Variants in UBL7 observed in about 807,000 individuals in gnomAD.
UBL7 encodes the protein ubiquitin-like protein 7.
UBL7 carries 21 observed loss-of-function variants against 41.7 expected under a neutral mutation model. That is an observed-to-expected ratio of 0.50 (90% CI 0.36 to 0.73). The LOEUF is 0.73. UBL7 is among the 30% of genes least tolerant of loss of function. The pLI, the probability that UBL7 is intolerant of heterozygous loss-of-function variation, is 0.00. For missense variants in UBL7, 403 were observed against 478.4 expected, an observed-to-expected ratio of 0.84 and a Z score of 1.47; for synonymous variants, 157 against 186.9, an observed-to-expected ratio of 0.84 and a Z score of 1.31.
intron 2 of UBL7, 58 bp downstream of exon 2, chr15:74,458,626 G>T: frequency 6.8e-7 from 1 of 1,465,832 alleles, no homozygotes; most frequent in Non-Finnish European, 9.4e-7. Context: ...AATTCCAGAA[G>T]TATCCTCCCC....
intron 10 of UBL7, among the ~76,000 whole-genome samples, chr15:74,447,230 C>T (rs1011264725): frequency 1.3e-5 from 2 of 152,222 alleles, no homozygotes; most frequent in African/African-American, 4.8e-5. Context: ...CCTATCGTTA[C>T]GACTTCATGG....
At position 74,449,616 on chromosome 15, in the gene UBL7, G is replaced by A. The variant is rs757482809; in HGVS notation, c.714+10C>T. ...TGTCAGCATGTCAGGCAGGCAGGCAGGCCACTTACTGGGTGAAAGTCATCC... is the reference window on the plus strand; with the variant it reads ...TGTCAGCATGTCAGGCAGGCAGGCAAGCCACTTACTGGGTGAAAGTCATCC... On this transcript the variant is annotated intron_variant, in intron 8 of 10. Transcript: ENST00000395081. 37 of 1,613,978 alleles carry A rather than the reference G, an allele frequency of 2.3e-5. No homozygotes were observed. Among genetic ancestry groups the A allele is most frequent in the Non-Finnish European group, 3.1e-5 (37 of 1,180,018 alleles).
chr15:74,452,277 G>T lies in UBL7; in HGVS notation c.387+19C>A. The stretch of plus-strand genomic sequence containing the variant: ...ACCCTCTCCTACAGTCCTGGCTGGG[G>T]GCCGCAGCACACACTCACCGCCTCC... On this transcript the variant is annotated intron_variant, in intron 4 of 10. Coordinates refer to ENST00000395081, the MANE Select transcript of UBL7 (RefSeq NM_032907.5). The T allele has an allele frequency of 6.4e-7, 1 of 1,550,706 alleles. No homozygotes were observed. The highest frequency in any genetic ancestry group is 8.7e-7 in the Non-Finnish European group (1 of 1,145,926).
chr15:74,449,204 T>C lies in UBL7; in HGVS notation c.864A>G (p.Thr288=). 6.4e-7 allele frequency: 1 copy of C among 1,565,702 alleles called. No homozygotes were observed. Among genetic ancestry groups the C allele is most frequent in the South Asian group, 1.2e-5 (1 of 83,210 alleles). Residue 288 remains threonine (T), a synonymous_variant, in exon 9 of 11, where the codon ACA becomes ACG. Transcript: ENST00000395081. The part of the protein sequence containing the change: ...LASTPESSSH[T]PTPGTQGHSS... ...TTCATACCTGGGTGCCAGGAGTCGG[T>C]GTGTGAGAGCTGCTCTCCGGAGTGC...
chr15:74,456,230 G>A (rs201034424), intron 3 of UBL7, among the ~76,000 whole-genome samples: 13 of 152,164 alleles, frequency 8.5e-5, no homozygotes, highest in East Asian at 3.9e-4. Context: ...CCTGGGAGGC[G>A]GAGGTTGCAG....
intron 9 of UBL7, 63 bp downstream of exon 9, chr15:74,449,123 C>T: frequency 1.3e-6 from 2 of 1,499,086 alleles, no homozygotes; most frequent in Non-Finnish European, 1.8e-6. Flanking sequence ...CAAATCTACT[C>T]TACTGCTGGG....
chr15:74,446,016 G>C lies in UBL7; in HGVS notation c.*74C>G. The C allele has an allele frequency of 6.4e-7, 1 of 1,565,180 alleles. No homozygotes were observed. Among genetic ancestry groups the C allele is most frequent in the South Asian group, 1.2e-5 (1 of 85,710 alleles). On this transcript the variant is annotated 3_prime_UTR_variant, in exon 11 of 11. Coordinates refer to ENST00000395081, the MANE Select transcript of UBL7 (RefSeq NM_032907.5). This position sits in a 1 kb window ranked among gnomAD's most constrained non-coding sequence, Gnocchi z 4.1. Reference sequence around the variant, plus strand: ...AGGTATATTGGGGAAGGGAGAGATGGAGGCACCTTCATGAGTGCCTCCCAA... The same window carrying C: ...AGGTATATTGGGGAAGGGAGAGATGCAGGCACCTTCATGAGTGCCTCCCAA...
intron 2 of UBL7, 26 bp downstream of exon 2, chr15:74,458,658 C>G: frequency 1.3e-6 from 2 of 1,597,954 alleles, no homozygotes; most frequent in Non-Finnish European, 1.7e-6. Flanking sequence ...AGAGCAGCAG[C>G]CCAACCCCAG....
At position 74,456,575 on chromosome 15, in the gene UBL7, C is replaced by G; in HGVS notation, c.281G>C (p.Trp94Ser). 1 of 1,614,100 alleles carries G rather than the reference C, an allele frequency of 6.2e-7. No homozygotes were observed. The highest frequency in any genetic ancestry group is 8.5e-7 in the Non-Finnish European group (1 of 1,179,982). Residue 94 changes from tryptophan to serine, a missense_variant, in exon 3 of 11, where the codon TGG becomes TCG. By Grantham distance (177) the Trp-to-Ser change is radical. Transcript: ENST00000395081. ...ACCCGGTTTCTGATCAGGTTCAGGC[C>G]AGGACTTTCGCAGAACATGGACAGT... ...GSTVHVLRKS[W>S]PEPDQKPEPV... is the part of the protein sequence containing the mutation.
chr15:74,451,601 C>G, intron 4 of UBL7, 81 bp from the exon 5 acceptor site: 1 of 1,118,846 alleles, frequency 8.9e-7, no homozygotes, highest in Non-Finnish European at 1.3e-6. Flanking sequence ...CAAAGGACTT[C>G]CTCCCTCTAA....
chr15:74,449,144 C>T (rs763746078), intron 9 of UBL7, 42 bp downstream of exon 9: 2 of 1,512,220 alleles, frequency 1.3e-6, no homozygotes, highest in African/African-American at 1.4e-5. Context: ...GAGCTTGTTC[C>T]TTGGGGGCCC....
Position 74,460,777 on chromosome 15 carries a change from C to T in UBL7, c.-30+260G>A, listed in dbSNP as rs921006247. On this transcript the variant is annotated intron_variant, in intron 1 of 10. Coordinates refer to ENST00000395081, the MANE Select transcript of UBL7 (RefSeq NM_032907.5). ...TCATCATTATTGCTTCCAAAGAGAC[C>T]TCTGATAGAGAAGAGGAAAGAAAAG... 17 of 1,273,022 alleles carry T rather than the reference C, an allele frequency of 1.3e-5. No homozygotes were observed. In the Admixed American group the frequency reaches 4.4e-4, roughly 33 times the overall value. The allele number at this position is 1,273,022 out of a possible 1,614,324, so 78.9% of individuals were successfully genotyped here. A position where few individuals can be genotyped will look rare whatever the true frequency, so the allele number is the denominator to read the frequency against.
intron 3 of UBL7, among the ~76,000 whole-genome samples, 194 bp from the exon 4 acceptor site, chr15:74,452,572 T>C (rs529426294): frequency 5.3e-5 from 8 of 152,326 alleles, no homozygotes; most frequent in African/African-American, 1.9e-4. Flanking sequence ...CTAGTAAGCA[T>C]CTTTACATTC....
chr15:74,452,278 G>A lies in UBL7; in HGVS notation c.387+18C>T, dbSNP rs942617335. The A allele has an allele frequency of 1.3e-6, 2 of 1,550,604 alleles. No homozygotes were observed. Among genetic ancestry groups the A allele is most frequent in the African/African-American group, 2.7e-5 (2 of 73,172 alleles). The stretch of plus-strand genomic sequence containing the variant: ...CCCTCTCCTACAGTCCTGGCTGGGG[G>A]CCGCAGCACACACTCACCGCCTCCC... On this transcript the variant is annotated intron_variant, in intron 4 of 10. Transcript: ENST00000395081.
chr15:74,449,490 TA>T lies in UBL7; in HGVS notation c.714+135del. The T allele has an allele frequency of 1.9e-6, 3 of 1,539,828 alleles. No homozygotes were observed. The South Asian group carries it at 3.5e-5, about 18-fold the overall frequency. On this transcript the variant is annotated intron_variant, in intron 8 of 10. Transcript: ENST00000395081. ...GAAAGGAATCCAAAAGCAGAAATAG[TA>T]TGACATGGTCTTGGCCCCCCAATGG...
In UBL7 at chr15:74,452,077, T is replaced by C. The variant is rs1379242431; in HGVS notation, c.387+219A>G. ...TTTTGGCTGTCACCATACGGGCAGGTTGTATTATTATCATTAGAGGGAATC... is the reference window on the plus strand; with the variant it reads ...TTTTGGCTGTCACCATACGGGCAGGCTGTATTATTATCATTAGAGGGAATC... On this transcript the variant is annotated intron_variant, in intron 4 of 10. Transcript: ENST00000395081. 2.0e-5 allele frequency among the ~76,000 whole-genome samples: 3 copies of C among 152,044 alleles called. No individual in the cohort carries two copies. The East Asian group carries it at 5.8e-4, about 29-fold the overall frequency.
intron 1 of UBL7, among the ~76,000 whole-genome samples, chr15:74,459,618 C>T (rs2061328853): frequency 1.3e-5 from 2 of 151,690 alleles, no homozygotes; most frequent in African/African-American, 4.8e-5. Flanking sequence ...CGCCTGGCCA[C>T]AACCCATCAT....
At chr15:74,458,402 TC>T (rs2061313378) in intron 2 of UBL7, among the ~76,000 whole-genome samples, 1 of 152,162 alleles carries the variant, frequency 6.6e-6, no homozygotes, top group Non-Finnish European at 1.5e-5. Flanking sequence ...ACCACTGCAC[TC>T]CAGCCTGGGC....
At chr15:74,456,138 A>G (rs1409237097) in intron 3 of UBL7, among the ~76,000 whole-genome samples, 1 of 150,980 alleles carries the variant, frequency 6.6e-6, no homozygotes, top group African/African-American at 2.4e-5. Context: ...GAAAAAAAAA[A>G]AAAAAAAAAA....
Sources: allele counts gnomAD v4.1 joint callset (sites outside exome capture counted in the v4.1 genomes callset), GRCh38; gene constraint gnomAD v4.1.1; non-coding constraint Gnocchi (gnomAD v3.1); transcripts MANE v1.5; gene names NCBI Gene and HGNC (gene_info 2026-07-23, HGNC 2026-07-21).